PEBP4: variants seen among roughly 807,000 people sequenced by gnomAD.
PEBP4 encodes the protein phosphatidylethanolamine binding protein 4, also known as phosphatidylethanolamine-binding protein 4.
A neutral mutation model predicts 23.9 loss-of-function variants in PEBP4; 22 were observed. The observed-to-expected ratio is 0.92, with a 90% CI of 0.66 to 1.31. PEBP4 has a LOEUF of 1.31. Among genes scored for constraint, PEBP4 ranks in the 40% most tolerant of loss-of-function variants. The pLI is 0.00. For missense variants in PEBP4, 324 were observed against 281.7 expected (o/e 1.15, Z -1.07); for synonymous variants, 112 against 99.3 (o/e 1.13, Z -0.76).
Position 22,768,492 on chromosome 8 carries a change from A to T in PEBP4, c.358-41272T>A, listed in dbSNP as rs540294203. ...CCAAGCAGACCCCCCATCCCCTGCCAATCCAAGGCCCCACGGTGCTGAGGT... is the reference window on the plus strand; with the variant it reads ...CCAAGCAGACCCCCCATCCCCTGCCTATCCAAGGCCCCACGGTGCTGAGGT... On this transcript the variant is annotated intron_variant, in intron 4 of 6. Transcript: ENST00000256404. 2.6e-5 allele frequency among the ~76,000 whole-genome samples: 4 copies of T among 152,330 alleles called. No homozygotes were observed. The South Asian group carries it at 8.3e-4, about 32-fold the overall frequency.
At chr8:22,756,648 T>C (rs556259183) in intron 4 of PEBP4, among the ~76,000 whole-genome samples, 3 of 152,346 alleles carry the variant, frequency 2.0e-5, no homozygotes, top group East Asian at 3.9e-4. Flanking sequence ...CAGGAGCAGA[T>C]TGTCCATTTC....
rs117414096 is a variant in PEBP4 at position 22,912,465 on chromosome 8, G to A, written c.258+7719C>T. Among the ~76,000 whole-genome samples, 332 of 152,310 alleles carry A rather than the reference G, an allele frequency of 2.2e-3. 9 individuals carry two copies. The East Asian group carries it at 0.031, about 14-fold the overall frequency. On this transcript the variant is annotated intron_variant, in intron 3 of 6. Transcript: ENST00000256404. ...CATTACAGGCCTGTTTTCAGGAACC[G>A]GGGGATTCCGGAGGCAAAATTACAT...
chr8:22,806,199 T>G (rs1488508726), intron 4 of PEBP4, among the ~76,000 whole-genome samples: 1 of 152,258 alleles, frequency 6.6e-6, no homozygotes, highest in Non-Finnish European at 1.5e-5. Context: ...CTATTAAATT[T>G]AAATTTCTCA....
intron 4 of PEBP4, among the ~76,000 whole-genome samples, chr8:22,813,599 C>T (rs757687877): frequency 2.6e-5 from 4 of 152,158 alleles, no homozygotes; most frequent in Admixed American, 1.3e-4. Flanking sequence ...AATTGATATC[C>T]TAATGAGCTT....
intron 3 of PEBP4, among the ~76,000 whole-genome samples, chr8:22,902,896 G>A (rs1808738762): frequency 6.6e-6 from 1 of 152,244 alleles, no homozygotes; most frequent in African/African-American, 2.4e-5. Flanking sequence ...AGGGATCCCA[G>A]ATCCTGCAGC....
intron 3 of PEBP4, among the ~76,000 whole-genome samples, chr8:22,878,752 A>G (rs1445939964): frequency 6.6e-6 from 1 of 152,178 alleles, no homozygotes; most frequent in African/African-American, 2.4e-5. Context: ...CAGGGAACAG[A>G]GAGCAAACTG....
In PEBP4 at chr8:22,817,766, C is replaced by G. The variant is rs370009112; in HGVS notation, c.259-31G>C. ...ACACATGTACCGAAAAGTAATGTAG[C>G]GTCATGGCTGAAATAGGAAAATACC... On this transcript the variant is annotated intron_variant, in intron 3 of 6. Transcript: ENST00000256404. 93 of 1,593,276 alleles carry G rather than the reference C, an allele frequency of 5.8e-5. No individual in the cohort carries two copies. The African/African-American group carries it at 1.2e-3, about 20-fold the overall frequency.
chr8:22,791,211 G>C (rs1251320453), intron 4 of PEBP4, among the ~76,000 whole-genome samples: 1 of 152,186 alleles, frequency 6.6e-6, no homozygotes, highest in Admixed American at 6.5e-5. Context: ...GCCATATCTA[G>C]TGGGCTCCTG....
intron 3 of PEBP4, among the ~76,000 whole-genome samples, chr8:22,897,346 G>A (rs904433317): frequency 1.3e-4 from 20 of 152,238 alleles, no homozygotes; most frequent in African/African-American, 4.8e-4. Flanking sequence ...AGGAGGGGAG[G>A]TAGAGGAGAA....
At chr8:22,821,564 G>A (rs993323173) in intron 3 of PEBP4, among the ~76,000 whole-genome samples, 3 of 152,128 alleles carry the variant, frequency 2.0e-5, no homozygotes, top group African/African-American at 7.2e-5. Flanking sequence ...TGAAGTTAGC[G>A]CTCTCTCAAG....
intron 4 of PEBP4, among the ~76,000 whole-genome samples, chr8:22,787,868 C>A (rs901758872): frequency 6.6e-6 from 1 of 152,164 alleles, no homozygotes; most frequent in Admixed American, 6.5e-5. Flanking sequence ...AATGTTTCAG[C>A]TCAGCCTTAA....
intron 4 of PEBP4, among the ~76,000 whole-genome samples, chr8:22,741,372 G>C (rs923082078): frequency 2.0e-5 from 3 of 152,236 alleles, no homozygotes; most frequent in Non-Finnish European, 2.9e-5. Context: ...TGGGGTCCAA[G>C]GCCCTGCCAC....
chr8:22,747,184 G>T (rs944500746), intron 4 of PEBP4, among the ~76,000 whole-genome samples: 3 of 152,220 alleles, frequency 2.0e-5, no homozygotes, highest in Non-Finnish European at 2.9e-5. Context: ...TATTTAATTT[G>T]AATTAATTTA....
intron 1 of PEBP4, among the ~76,000 whole-genome samples, chr8:22,940,516 T>C (rs1350240232): frequency 1.7e-5 from 1 of 60,282 alleles, no homozygotes; most frequent in Non-Finnish European, 3.1e-5. Flanking sequence ...CGAGACGGAG[T>C]CTTGCTCTGT....
intron 4 of PEBP4, among the ~76,000 whole-genome samples, chr8:22,812,205 C>G (rs1806645815): frequency 6.6e-6 from 1 of 152,180 alleles, no homozygotes; most frequent in African/African-American, 2.4e-5. Flanking sequence ...ACCGATCACT[C>G]AAGCACAGGT....
chr8:22,819,053 G>A (rs931608354), intron 3 of PEBP4, among the ~76,000 whole-genome samples: 10 of 152,130 alleles, frequency 6.6e-5, no homozygotes, highest in Non-Finnish European at 1.0e-4. Context: ...TATGCATGTC[G>A]GTCTGTAATT....
intron 4 of PEBP4, chr8:22,754,975 G>A (rs1371712535): frequency 3.3e-5 from 5 of 152,214 alleles, no homozygotes; most frequent in African/African-American, 1.2e-4. Flanking sequence ...TAATGAGGAG[G>A]GAATATGGCC....
chr8:22,930,966 T>C (rs1321197539), upstream of PEBP4, among the ~76,000 whole-genome samples: 1 of 152,182 alleles, frequency 6.6e-6, no homozygotes, highest in Non-Finnish European at 1.5e-5. Context: ...GCCAAACCTG[T>C]GGCTTCCTGA....
At position 22,862,879 on chromosome 8, in the gene PEBP4, C is replaced by A. The variant is rs533593265; in HGVS notation, c.259-45144G>T. ...GCAGTGGTGCGATCTTGGCTCACTG[C>A]AAGCTCCGCCTCCCAGGTTCACGTC... On this transcript the variant is annotated intron_variant, in intron 3 of 6. Transcript: ENST00000256404. Among the ~76,000 whole-genome samples the A allele has an allele frequency of 8.0e-5, 12 of 149,570 alleles. No homozygotes were observed. The South Asian group carries it at 2.5e-3, about 32-fold the overall frequency.
Sources: allele counts gnomAD v4.1 joint callset (sites outside exome capture counted in the v4.1 genomes callset), GRCh38; gene constraint gnomAD v4.1.1; transcripts MANE v1.5; gene names NCBI Gene and HGNC (gene_info 2026-07-23, HGNC 2026-07-21).